Variants in FOXO1 observed in about 807,000 individuals in gnomAD.
FOXO1 encodes the protein forkhead box O1.
In FOXO1, 6 loss-of-function variants were observed where a neutral mutation model predicts 44.1. That is an observed-to-expected ratio of 0.14 (90% CI 0.07 to 0.27). The LOEUF is 0.27. Among genes scored for constraint, FOXO1 ranks in the 10% least tolerant of loss-of-function variants. The pLI is 1.00. For synonymous variants in FOXO1, 380 were observed against 362.7 expected (o/e 1.05, Z -0.54); for missense variants, 737 against 888.8 (o/e 0.83, Z 2.17).
chr13:40,645,102 G>T (rs1342778167), intron 1 of FOXO1, among the ~76,000 whole-genome samples: 1 of 152,110 alleles, frequency 6.6e-6, no homozygotes, highest in Non-Finnish European at 1.5e-5. Flanking sequence ...TCACACCTTG[G>T]TATTTCTGCA....
In FOXO1 at chr13:40,560,014, C is replaced by A. The variant is rs1421986524; in HGVS notation, c.1477G>T (p.Gly493Cys). The A allele has an allele frequency of 1.9e-6, 3 of 1,613,942 alleles. No individual in the cohort carries two copies. Among genetic ancestry groups the A allele is most frequent in the Non-Finnish European group, 2.5e-6 (3 of 1,180,036 alleles). ...TTAGGGCCCATCATGACGTTCTGGC[C>A]CAGAACCCGGCTGTTGGGCTGGGCT... ...GVAQPNSRVL[G>C]QNVMMGPNSV... The change falls in exon 2 of 3, where the codon GGC becomes TGC. Residue 493 changes from glycine to cysteine, a missense_variant. Physicochemically the swap from Gly to Cys is radical, Grantham distance 159. Around this residue, in one of 7 missense-constraint regions of FOXO1, gnomAD observed 283 missense variants for 278.1 expected, o/e 1.02. Transcript: ENST00000379561. This position sits in a 1 kb window ranked among gnomAD's most constrained non-coding sequence, Gnocchi z 5.1.
chr13:40,657,309 CCTTT>C (rs973259067), intron 1 of FOXO1, among the ~76,000 whole-genome samples: 10 of 144,414 alleles, frequency 6.9e-5, no homozygotes, highest in African/African-American at 2.6e-4. Context: ...AATCTCCCAT[CCTTT>C]TTTTTCTTTT....
intron 2 of FOXO1, 66 bp from the exon 3 acceptor site, chr13:40,559,100 ATCAAT>A (rs1398005728): frequency 4.2e-5 from 17 of 402,856 alleles, no homozygotes; most frequent in Admixed American, 1.2e-4. Context: ...CCAAATTAAA[ATCAAT>A]TCAACTTAAC....
chr13:40,663,876 A>AT lies in FOXO1; in HGVS notation c.630+1706_630+1707insA. Among the ~76,000 whole-genome samples, 3 of 152,356 alleles carry AT rather than the reference A, an allele frequency of 2.0e-5. No individual in the cohort carries two copies. The Middle Eastern group carries it at 0.01, about 518-fold the overall frequency. On this transcript the variant is annotated intron_variant, in intron 1 of 2. Transcript: ENST00000379561. ...GACACGCATTAACCACAGGGATGAC[A>AT]CTGTGTGTAAAATAACCTTGGTGTT...
chr13:40,609,043 G>A (rs973902958), intron 1 of FOXO1, among the ~76,000 whole-genome samples: 3 of 152,048 alleles, frequency 2.0e-5, no homozygotes, highest in African/African-American at 7.2e-5. Flanking sequence ...TCCAAATCAG[G>A]GTAACTTTAA....
chr13:40,645,160 A>T (rs931521955), intron 1 of FOXO1, among the ~76,000 whole-genome samples: 1 of 152,206 alleles, frequency 6.6e-6, no homozygotes, highest in African/African-American at 2.4e-5. Flanking sequence ...AGTTAATGAC[A>T]TGTCACAGTA....
chr13:40,606,167 T>C (rs1056617454), intron 1 of FOXO1, among the ~76,000 whole-genome samples: 5 of 152,196 alleles, frequency 3.3e-5, no homozygotes, highest in Non-Finnish European at 5.9e-5. Context: ...CCTATCAAGT[T>C]GACAGTTTTC....
intron 1 of FOXO1, among the ~76,000 whole-genome samples, chr13:40,644,243 T>C (rs759346606): frequency 6.6e-6 from 1 of 152,046 alleles, no homozygotes; most frequent in Non-Finnish European, 1.5e-5. Context: ...AAATTACAGG[T>C]GGGAAAACTG....
rs552455321 is a variant in FOXO1, at chr13:40,654,560, T to C, written c.630+11023A>G. 1.0e-3 allele frequency among the ~76,000 whole-genome samples: 152 copies of C among 150,518 alleles called. 2 individuals are homozygous for C. Among genetic ancestry groups the C allele is most frequent in the African/African-American group, 3.3e-3 (137 of 41,062 alleles). ...AACATCATCTAGGGAGAAAAATACA[T>C]CAACGCAGAAAAAAAAGATTTTCTT... On this transcript the variant is annotated intron_variant, in intron 1 of 2. Transcript: ENST00000379561.
intron 1 of FOXO1, among the ~76,000 whole-genome samples, chr13:40,665,338 T>G (rs1158773760): frequency 6.6e-6 from 1 of 152,096 alleles, no homozygotes; most frequent in Non-Finnish European, 1.5e-5. Context: ...CGCACTTTCT[T>G]TACTTAGTTC....
rs758892888 is a variant in FOXO1 at position 40,559,590 on chromosome 13, T to C, written c.1901A>G (p.Asn634Ser). The C allele has an allele frequency of 1.9e-6, 3 of 1,613,904 alleles. No homozygotes were observed. The highest frequency in any genetic ancestry group is 1.1e-5 in the South Asian group (1 of 91,040). The change falls in exon 2 of 3, where the codon AAT becomes AGT. Residue 634 changes from asparagine (N) to serine (S), a missense_variant. This residue lies in a region of FOXO1 where 45 missense variants were observed against 78.3 expected (regional missense o/e 0.57). Coordinates refer to ENST00000379561, the MANE Select transcript of FOXO1 (RefSeq NM_002015.4). ...DGDTLDFNFD[N>S]VLPNQSFPHS... is the part of the protein sequence containing the mutation. Reference sequence around the variant, plus strand: ...TGGGAAGCTTTGGTTGGGCAACACATTGTCAAAGTTAAAATCCAATGTATC... The same window carrying C: ...TGGGAAGCTTTGGTTGGGCAACACACTGTCAAAGTTAAAATCCAATGTATC...
At chr13:40,595,081 A>G (rs187281782) in intron 1 of FOXO1, among the ~76,000 whole-genome samples, 2 of 152,336 alleles carry the variant, frequency 1.3e-5, no homozygotes, top group East Asian at 1.9e-4. Flanking sequence ...CACAAAAGGA[A>G]CATCCTAATA....
intron 1 of FOXO1, among the ~76,000 whole-genome samples, chr13:40,609,847 G>A (rs977758935): frequency 2.6e-4 from 39 of 152,032 alleles, no homozygotes; most frequent in African/African-American, 8.7e-4. Context: ...TTCCAATTAC[G>A]AATGTAGGCA....
intron 1 of FOXO1, among the ~76,000 whole-genome samples, chr13:40,617,503 A>T (rs1876468707): frequency 6.6e-6 from 1 of 152,144 alleles, no homozygotes; most frequent in East Asian, 1.9e-4. Context: ...AAGGGTGGGA[A>T]ATCATATCAG....
chr13:40,594,741 A>T (rs1352578252), intron 1 of FOXO1, among the ~76,000 whole-genome samples: 9 of 152,180 alleles, frequency 5.9e-5, no homozygotes, highest in Admixed American at 5.9e-4. Context: ...GCTGGAATGC[A>T]GTGGTACAAT....
chr13:40,579,324 T>C (rs1429563681), intron 1 of FOXO1, among the ~76,000 whole-genome samples: 1 of 152,304 alleles, frequency 6.6e-6, no homozygotes, highest in Admixed American at 6.5e-5. Flanking sequence ...TACTCTTTGA[T>C]GGATGAAGGA....
chr13:40,591,218 C>A (rs1274574121), intron 1 of FOXO1, among the ~76,000 whole-genome samples: 1 of 152,168 alleles, frequency 6.6e-6, no homozygotes, highest in Non-Finnish European at 1.5e-5. Context: ...AGAAATCCAA[C>A]AGGGTCAAAC....
chr13:40,651,908 A>C (rs1294792230), intron 1 of FOXO1, among the ~76,000 whole-genome samples: 2 of 152,116 alleles, frequency 1.3e-5, no homozygotes, highest in Non-Finnish European at 2.9e-5. Context: ...TAAATCCTAA[A>C]AGGTTGAAGG....
intron 1 of FOXO1, among the ~76,000 whole-genome samples, chr13:40,601,574 G>A (rs561686715): frequency 6.6e-6 from 1 of 152,178 alleles, no homozygotes; most frequent in South Asian, 2.1e-4. Flanking sequence ...CAATCCCCAA[G>A]CAAACCTGAA....
Sources: gnomAD v4.1 joint callset for allele counts (sites outside exome capture counted in the v4.1 genomes callset) on GRCh38, gnomAD v4.1.1 for gene constraint, gnomAD v4.1.1 regional missense constraint, Gnocchi (gnomAD v3.1) non-coding constraint, MANE v1.5 for transcripts, NCBI Gene and HGNC (gene_info 2026-07-23, HGNC 2026-07-21) for gene names.